The following SEC63 variants were observed in gnomAD, a reference collection of about 807,000 sequenced individuals.
SEC63 encodes the protein SEC63 protein translocation regulator.
SEC63 carries 56 observed loss-of-function variants against 116.2 expected under a neutral mutation model. The observed-to-expected ratio is 0.48, with a 90% CI of 0.39 to 0.60. The LOEUF (loss-of-function observed/expected upper bound fraction) is 0.60, where lower values mean the gene tolerates loss of function less well. Ranked by LOEUF, SEC63 falls within the 20% of genes least tolerant of loss-of-function variation. The pLI is 0.00. For synonymous variants in SEC63, 273 were observed against 294.6 expected, an observed-to-expected ratio of 0.93 and a Z score of 0.75; for missense variants, 668 against 900.0, an observed-to-expected ratio of 0.74 and a Z score of 3.30.
intron 1 of SEC63, among the ~76,000 whole-genome samples, chr6:107,937,282 C>T (rs796708186): frequency 4.6e-5 from 7 of 152,186 alleles, no homozygotes; most frequent in African/African-American, 1.7e-4. Context: ...GCCACCACAC[C>T]CGGCTAGCTA....
intron 16 of SEC63, among the ~76,000 whole-genome samples, chr6:107,885,920 A>G (rs1786517340): frequency 1.3e-5 from 2 of 152,188 alleles, no homozygotes; most frequent in South Asian, 4.1e-4. Context: ...CAGGTTTGTT[A>G]CATAGGTATA....
At chr6:107,946,210 C>T (rs893970803) in intron 1 of SEC63, among the ~76,000 whole-genome samples, 9 of 151,894 alleles carry the variant, frequency 5.9e-5, no homozygotes, top group African/African-American at 1.9e-4. Context: ...GCTGGGATTA[C>T]AGGCATAAGC....
chr6:107,911,407 A>G lies in SEC63; in HGVS notation c.574-11T>C, dbSNP rs775153787. On this transcript the variant is annotated splice_polypyrimidine_tract_variant and intron_variant, in intron 6 of 20. Coordinates refer to ENST00000369002, the MANE Select transcript of SEC63 (RefSeq NM_007214.5). ...ATATACAAGTAAAACCTAAAATTGAAGAGAAAAAGAATTATGGCCTTCGTC... is the reference window on the plus strand; with the variant it reads ...ATATACAAGTAAAACCTAAAATTGAGGAGAAAAAGAATTATGGCCTTCGTC... The G allele has an allele frequency of 5.1e-6, 8 of 1,579,330 alleles. No homozygotes were observed. The South Asian group carries it at 8.9e-5, about 17-fold the overall frequency.
At chr6:107,932,817 A>T (rs1787842785) in intron 1 of SEC63, among the ~76,000 whole-genome samples, 1 of 152,136 alleles carries the variant, frequency 6.6e-6, no homozygotes, top group South Asian at 2.1e-4. Context: ...TTGGCTTCTA[A>T]ATACCATTCT....
At chr6:107,927,416 G>A (rs72937383) in intron 2 of SEC63, among the ~76,000 whole-genome samples, 4,989 of 152,058 alleles carry the variant, frequency 0.033, 115 homozygotes, top group South Asian at 0.047. Context: ...CCTTAGTTTC[G>A]CACATGTGTC....
At position 107,901,362 on chromosome 6, in the gene SEC63, C is replaced by T; in HGVS notation, c.1357+8G>A. The T allele has an allele frequency of 2.5e-6, 4 of 1,611,860 alleles. No individual in the cohort carries two copies. The highest frequency in any genetic ancestry group is 3.4e-6 in the Non-Finnish European group (4 of 1,179,310). On this transcript the variant is annotated splice_region_variant and intron_variant, in intron 13 of 20. Coordinates refer to ENST00000369002, the MANE Select transcript of SEC63 (RefSeq NM_007214.5). ...AAGCAATGCTCAACAGAGAAACCTC[C>T]CACTTACCCTGTGATTTTATATCCA... is the stretch of plus-strand genomic sequence containing the variant.
chr6:107,922,097 TTA>T (rs529735374), intron 3 of SEC63, among the ~76,000 whole-genome samples, 188 bp from the exon 4 acceptor site: 154 of 152,292 alleles, frequency 1.0e-3, no homozygotes, highest in African/African-American at 3.7e-3. Flanking sequence ...ATAAAAACAC[TTA>T]TATTGTCCAA....
At chr6:107,922,882 A>G (rs1285798944) in intron 3 of SEC63, among the ~76,000 whole-genome samples, 2 of 152,164 alleles carry the variant, frequency 1.3e-5, no homozygotes, top group African/African-American at 4.8e-5. Context: ...GACTCAAAGT[A>G]AAAGTAAGTG....
rs1476982706 is a variant in SEC63 at position 107,877,262 on chromosome 6, G to A, written c.1936-600C>T. 4 of 152,260 alleles carry A rather than the reference G, an allele frequency of 2.6e-5. No individual in the cohort carries two copies. In the East Asian group the frequency reaches 7.7e-4, roughly 29 times the overall value. 9.4% of individuals were successfully genotyped at this position (152,260 alleles called of 1,614,324 possible). A position where few individuals can be genotyped will look rare whatever the true frequency, so the allele number is the denominator to read the frequency against. ...CCTGTTTTAAGAGTTGGGTAGGGAA[G>A]TATCTTTCTAAAACAGTTTAAAGAA... On this transcript the variant is annotated intron_variant, in intron 18 of 20. Coordinates refer to ENST00000369002, the MANE Select transcript of SEC63 (RefSeq NM_007214.5).
chr6:107,874,552 T>C (rs372482706), intron 19 of SEC63, among the ~76,000 whole-genome samples: 96 of 135,938 alleles, frequency 7.1e-4, no homozygotes, highest in Admixed American at 2.6e-3. Context: ...GCCGAGATCA[T>C]GCCACTGCAC....
intron 11 of SEC63, 182 bp from the exon 12 acceptor site, chr6:107,903,180 G>C (rs1351850787): frequency 1.5e-6 from 1 of 660,760 alleles, no homozygotes; most frequent in African/African-American, 1.8e-5. Context: ...TCGATCTAAT[G>C]AACATTTTCC....
intron 1 of SEC63, among the ~76,000 whole-genome samples, chr6:107,943,332 TTACAA>T (rs1368537008): frequency 6.6e-6 from 1 of 152,256 alleles, no homozygotes; most frequent in Non-Finnish European, 1.5e-5. Context: ...ATTTTACCTT[TTACAA>T]TAGATATGTG....
chr6:107,882,953 C>T (rs1562314661), intron 17 of SEC63, 35 bp downstream of exon 17: 1 of 1,367,200 alleles, frequency 7.3e-7, no homozygotes, highest in South Asian at 1.2e-5. Context: ...GATATAATTC[C>T]AATTATTTAA....
At chr6:107,924,617 T>C (rs572974035) in intron 3 of SEC63, among the ~76,000 whole-genome samples, 10 of 152,148 alleles carry the variant, frequency 6.6e-5, no homozygotes, top group Non-Finnish European at 1.5e-5. Context: ...ATTTTAGCAA[T>C]TGAAAACCAA....
rs1786532684 is a variant in SEC63, at chr6:107,886,524, T to C, written c.1675-3378A>G. On this transcript the variant is annotated intron_variant, in intron 16 of 20. Transcript: ENST00000369002. Reference sequence around the variant, plus strand: ...CACATCCTCTCCACCATCTGTTGTTTCCTGACTTTTTAATGACTGCTGTTC... The same window carrying C: ...CACATCCTCTCCACCATCTGTTGTTCCCTGACTTTTTAATGACTGCTGTTC... 3.3e-5 allele frequency among the ~76,000 whole-genome samples: 5 copies of C among 152,340 alleles called. No homozygotes were observed. In the South Asian group the frequency reaches 1.0e-3, roughly 32 times the overall value.
At chr6:107,937,985 G>GT (rs1770293645) in intron 1 of SEC63, among the ~76,000 whole-genome samples, 1 of 152,078 alleles carries the variant, frequency 6.6e-6, no homozygotes, top group African/African-American at 2.4e-5. Context: ...TAGGTTGTCT[G>GT]TTTACTCTGT....
chr6:107,921,172 A>T (rs1245322085), intron 4 of SEC63, among the ~76,000 whole-genome samples: 1 of 152,190 alleles, frequency 6.6e-6, no homozygotes, highest in Non-Finnish European at 1.5e-5. Context: ...ACACATTGCC[A>T]AAACAAGAGA....
At chr6:107,872,606 G>A (rs1262669799) in intron 20 of SEC63, among the ~76,000 whole-genome samples, 1 of 151,930 alleles carries the variant, frequency 6.6e-6, no homozygotes. Context: ...TATATTCAAT[G>A]TTCTAAACTG....
chr6:107,938,306 A>G (rs999984695), intron 1 of SEC63, among the ~76,000 whole-genome samples: 2 of 140,442 alleles, frequency 1.4e-5, no homozygotes, highest in Non-Finnish European at 3.0e-5. Context: ...GATAGACTAC[A>G]GTGGTGCCAT....
Sources: gnomAD v4.1 joint callset for allele counts (sites outside exome capture counted in the v4.1 genomes callset) on GRCh38, gnomAD v4.1.1 for gene constraint, MANE v1.5 for transcripts, NCBI Gene and HGNC (gene_info 2026-07-23, HGNC 2026-07-21) for gene names.